Variants in SHANK2 observed in about 807,000 individuals in gnomAD.
The protein encoded by SHANK2 is SH3 and multiple ankyrin repeat domains protein 2.
In SHANK2, 43 loss-of-function variants were observed where a neutral mutation model predicts 133.7. The observed-to-expected ratio is 0.32, with a 90% CI of 0.25 to 0.41. SHANK2 has a LOEUF of 0.41. Among genes scored for constraint, SHANK2 ranks in the 10% least tolerant of loss-of-function variants. SHANK2 has a pLI of 1.00. For synonymous variants in SHANK2, 1,017 were observed against 952.8 expected (o/e 1.07, Z -1.24); for missense variants, 1,994 against 2,235.8 (o/e 0.89, Z 2.18).
intron 11 of SHANK2, among the ~76,000 whole-genome samples, chr11:70,822,665 G>A (rs56020242): frequency 1.4e-4 from 20 of 139,322 alleles, no homozygotes; most frequent in East Asian, 1.1e-3. Context: ...CAGAGGTGGC[G>A]TTGGCAGAGC....
chr11:70,775,818 C>A (rs185141138), intron 14 of SHANK2, among the ~76,000 whole-genome samples: 1 of 152,360 alleles, frequency 6.6e-6, no homozygotes, highest in South Asian at 2.1e-4. Context: ...GAGGTTTCAT[C>A]GTTACCAGCA....
At chr11:70,718,700 C>CTTTTTTTTTTTTTT (rs60414874) in intron 14 of SHANK2, among the ~76,000 whole-genome samples, 6 of 129,810 alleles carry the variant, frequency 4.6e-5, no homozygotes, top group African/African-American at 9.7e-5. Context: ...AGCTCATTCT[C>CTTTTTTTTTTTTTT]TTTTTTTTTT....
At chr11:70,778,763 T>A (rs1947421372) in intron 14 of SHANK2, among the ~76,000 whole-genome samples, 1 of 152,184 alleles carries the variant, frequency 6.6e-6, no homozygotes, top group African/African-American at 2.4e-5. Context: ...CAGTATTTCA[T>A]GATAGCAGCC....
At chr11:70,628,927 T>C (rs1165700613) in intron 17 of SHANK2, among the ~76,000 whole-genome samples, 7 of 152,146 alleles carry the variant, frequency 4.6e-5, no homozygotes, top group Non-Finnish European at 1.0e-4. Context: ...AGGCAGTGTG[T>C]TCTGCACAAA....
intron 11 of SHANK2, among the ~76,000 whole-genome samples, chr11:70,880,420 G>C (rs1280584710): frequency 5.9e-5 from 9 of 152,214 alleles, no homozygotes; most frequent in Admixed American, 5.2e-4. Context: ...CCTGAACAGA[G>C]GACTGAAAGA....
chr11:70,810,361 G>A (rs1342705965), intron 12 of SHANK2, among the ~76,000 whole-genome samples: 4 of 152,238 alleles, frequency 2.6e-5, no homozygotes, highest in African/African-American at 4.8e-5. Context: ...GCACAGGACC[G>A]AGAGCTGGGA....
At chr11:71,237,678 T>A (rs937472436) in intron 1 of SHANK2, among the ~76,000 whole-genome samples, 6 of 152,302 alleles carry the variant, frequency 3.9e-5, no homozygotes, top group Admixed American at 2.6e-4. Context: ...CCTGTTTGTC[T>A]AACACCAAAG....
chr11:70,495,971 C>T (rs2058964749), intron 21 of SHANK2: 1 of 154,050 alleles, frequency 6.5e-6, no homozygotes, highest in African/African-American at 2.4e-5. Context: ...CTGGGCATCC[C>T]TCCAGGCCTG....
rs977265854 is a variant in SHANK2 at position 71,074,904 on chromosome 11, C to T, written c.1029+255G>A. Among the ~76,000 whole-genome samples, 6 of 151,742 alleles carry T rather than the reference C, an allele frequency of 4.0e-5. 1 individual carries two copies. Among genetic ancestry groups the T allele is most frequent in the Non-Finnish European group, 8.8e-5 (6 of 67,946 alleles). ...ACGCCATTCTCCTGCCTCAGCTTCC[C>T]GAGTAGCTGGGACTACAGGTGCCTG... On this transcript the variant is annotated intron_variant, in intron 9 of 25. Transcript: ENST00000601538.
chr11:70,612,935 G>A (rs559705945), intron 17 of SHANK2, among the ~76,000 whole-genome samples: 6 of 152,044 alleles, frequency 3.9e-5, no homozygotes, highest in Admixed American at 6.5e-5. Flanking sequence ...TCCCACCAGC[G>A]CACTGTACTC....
intron 17 of SHANK2, among the ~76,000 whole-genome samples, chr11:70,623,255 A>G (rs61886372): frequency 0.17 from 25,330 of 151,516 alleles, 2,727 homozygotes; most frequent in Non-Finnish European, 0.25. Context: ...ACTTGGGTGC[A>G]TGGCCTCTGC....
At chr11:71,106,526 T>C (rs1555097939) in intron 6 of SHANK2, among the ~76,000 whole-genome samples, 2 of 152,226 alleles carry the variant, frequency 1.3e-5, no homozygotes, top group African/African-American at 4.8e-5. Flanking sequence ...ACTGTCTCCA[T>C]GGATCAGGCT....
intron 17 of SHANK2, among the ~76,000 whole-genome samples, chr11:70,599,905 G>GAAAGAAAGATAGAAAGAAAGAA (rs1466206835): frequency 1.4e-5 from 1 of 73,730 alleles, no homozygotes; most frequent in African/African-American, 6.1e-5. Flanking sequence ...AAGAAAGAAA[G>GAAAGAAAGATAGAAAGAAAGAA]AGAAAGAAAG....
intron 18 of SHANK2, 97 bp from the exon 19 acceptor site, chr11:70,502,383 C>T: frequency 8.3e-7 from 1 of 1,200,378 alleles, no homozygotes; most frequent in Non-Finnish European, 1.2e-6. Flanking sequence ...AGGTGGGTCT[C>T]AGGCTGTTTG....
chr11:71,210,569 A>G (rs1954253870), intron 2 of SHANK2, among the ~76,000 whole-genome samples: 2 of 151,892 alleles, frequency 1.3e-5, no homozygotes, highest in South Asian at 4.2e-4. Context: ...ATTTATATTC[A>G]TGTAATGTGC....
rs1947364995 is a variant in SHANK2, at chr11:70,776,362, A to C, written c.1777+22081T>G. On this transcript the variant is annotated intron_variant, in intron 14 of 25. Transcript: ENST00000601538. ...GCAAACTGGACTTGGGGGATAGGAC[A>C]GGCATGCAAAGTCTAAGGCCACAGT... 2.0e-5 allele frequency among the ~76,000 whole-genome samples: 3 copies of C among 152,308 alleles called. No homozygotes were observed. In the South Asian group the frequency reaches 6.2e-4, roughly 32 times the overall value.
intron 17 of SHANK2, among the ~76,000 whole-genome samples, chr11:70,509,002 G>A (rs1046911701): frequency 4.6e-5 from 7 of 152,198 alleles, no homozygotes; most frequent in Admixed American, 6.5e-5. Context: ...CCAGGAAACC[G>A]TCAGCTCCTA....
At chr11:70,702,289 CCAT>C (rs1565253446) in intron 14 of SHANK2, among the ~76,000 whole-genome samples, 1 of 139,200 alleles carries the variant, frequency 7.2e-6, no homozygotes, top group Non-Finnish European at 1.6e-5. Flanking sequence ...ATCATCACCA[CCAT>C]CTTCTTCACC....
chr11:71,222,635 T>C (rs1954570977), intron 2 of SHANK2, among the ~76,000 whole-genome samples: 1 of 152,172 alleles, frequency 6.6e-6, no homozygotes, highest in African/African-American at 2.4e-5. Flanking sequence ...AAGCCCCAAG[T>C]CCAAGCTCCG....
Sources: gnomAD v4.1 joint callset for allele counts (sites outside exome capture counted in the v4.1 genomes callset) on GRCh38, gnomAD v4.1.1 for gene constraint, MANE v1.5 for transcripts, NCBI Gene and HGNC (gene_info 2026-07-23, HGNC 2026-07-21) for gene names.